The following SYCP2L variants were observed in gnomAD, a reference collection of about 807,000 sequenced individuals.
The protein encoded by SYCP2L is synaptonemal complex protein 2-like.
Under a neutral mutation model 125.8 loss-of-function variants are expected in SYCP2L, and 98 were observed. The ratio of observed to expected loss-of-function variants is 0.78; its 90% CI spans 0.66 to 0.92. The LOEUF is 0.92. SYCP2L is among the 40% of genes least tolerant of loss of function. SYCP2L has a pLI of 0.00. For missense variants in SYCP2L, 842 were observed against 936.4 expected (o/e 0.90, Z 1.32); for synonymous variants, 317 against 325.4 (o/e 0.97, Z 0.28).
chr6:10,938,877 T>G (rs2113372423), intron 21 of SYCP2L, among the ~76,000 whole-genome samples: 1 of 152,186 alleles, frequency 6.6e-6, no homozygotes, highest in East Asian at 1.9e-4. Flanking sequence ...TCCCAGCACT[T>G]TGGGACGCCA....
intron 2 of SYCP2L, among the ~76,000 whole-genome samples, chr6:10,893,567 C>A (rs1291178885): frequency 6.6e-6 from 1 of 152,118 alleles, no homozygotes; most frequent in Non-Finnish European, 1.5e-5. Context: ...TCCCAGACTT[C>A]AGCATGCACG....
Position 10,955,118 on chromosome 6 carries a change from A to C in SYCP2L, c.1957A>C (p.Ile653Leu). ...HKLRNLEDKD[I>L]PEGSFAKSQQ... ...AAATGTGCTCTGTTTGCCTGTAGAC[A>C]TACCAGAAGGTAGTTTTGCTAAGTC... The change falls in exon 24 of 30, where the codon ATA becomes CTA. Residue 653 changes from isoleucine (I) to leucine (L), a missense_variant and splice_region_variant. Ile to Leu is a conservative substitution (Grantham distance 5, BLOSUM62 2). Transcript: ENST00000283141. The C allele has an allele frequency of 1.2e-6, 2 of 1,609,410 alleles. No homozygotes were observed. The highest frequency in any genetic ancestry group is 1.3e-5 in the African/African-American group (1 of 74,968).
rs935353221 is a variant in SYCP2L, at chr6:10,919,615, G to A, written c.1073-4881G>A. On this transcript the variant is annotated intron_variant, in intron 14 of 29. Transcript: ENST00000283141. ...TATGGTAGTGTAGGGAGGAACAGGC[G>A]GTGGGTGGGGCCCTAGAACTCCCAA... 1.1e-4 allele frequency among the ~76,000 whole-genome samples: 17 copies of A among 152,014 alleles called. 1 individual carries two copies. Among genetic ancestry groups the A allele is most frequent in the Admixed American group, 9.8e-4 (15 of 15,244 alleles).
intron 16 of SYCP2L, among the ~76,000 whole-genome samples, chr6:10,926,761 A>G (rs1177830074): frequency 6.7e-6 from 1 of 149,568 alleles, no homozygotes. Flanking sequence ...TGTTTTCCCA[A>G]GTGCCCATAG....
intron 21 of SYCP2L, among the ~76,000 whole-genome samples, chr6:10,941,725 C>T (rs188638794): frequency 6.2e-4 from 94 of 152,308 alleles, no homozygotes; most frequent in African/African-American, 2.0e-3. Flanking sequence ...ACTAGTTCAA[C>T]CATTGTGGAA....
intron 29 of SYCP2L, among the ~76,000 whole-genome samples, chr6:10,967,267 G>A (rs1056761779): frequency 6.6e-6 from 1 of 151,728 alleles, no homozygotes; most frequent in Non-Finnish European, 1.5e-5. Context: ...ATGATTCCAA[G>A]GAAAAAGGGA....
rs1464374930 is a variant in SYCP2L at position 10,963,768 on chromosome 6, C to A, written c.2415-14C>A. 1 of 1,613,312 alleles carries A rather than the reference C, an allele frequency of 6.2e-7. No individual in the cohort carries two copies. Among genetic ancestry groups the A allele is most frequent in the Admixed American group, 1.7e-5 (1 of 59,994 alleles). ...TAATGTGAATATAATAAGAGATGGA[C>A]CAATTTCTTCCAGGTTCAATTCAAC... On this transcript the variant is annotated splice_polypyrimidine_tract_variant and intron_variant, in intron 28 of 29. Transcript: ENST00000283141.
At chr6:10,948,276 C>T (rs74477784) in intron 23 of SYCP2L, among the ~76,000 whole-genome samples, 4,890 of 152,180 alleles carry the variant, frequency 0.032, 267 homozygotes, top group African/African-American at 0.11. Flanking sequence ...CCATTCATAT[C>T]TCAGGTCTCT....
chr6:10,950,194 T>C (rs192494135), intron 23 of SYCP2L, among the ~76,000 whole-genome samples: 3 of 141,556 alleles, frequency 2.1e-5, no homozygotes, highest in Non-Finnish European at 3.3e-5. Context: ...TGCTAACTTA[T>C]TGCAACATGG....
intron 17 of SYCP2L, among the ~76,000 whole-genome samples, chr6:10,927,682 C>T (rs575129348): frequency 1.7e-3 from 256 of 152,260 alleles, no homozygotes; most frequent in African/African-American, 5.8e-3. Flanking sequence ...AATGAAGTTT[C>T]GGGCACCATT....
At chr6:10,964,351 C>G (rs535704496) in intron 29 of SYCP2L, among the ~76,000 whole-genome samples, 1 of 152,068 alleles carries the variant, frequency 6.6e-6, no homozygotes, top group African/African-American at 2.4e-5. Context: ...GAATGCTTAC[C>G]CTGCATCAAT....
At chr6:10,905,063 C>G (rs1254994607) in intron 8 of SYCP2L, among the ~76,000 whole-genome samples, 5 of 143,238 alleles carry the variant, frequency 3.5e-5, no homozygotes, top group South Asian at 2.3e-4. Context: ...TTGCTTGACC[C>G]TGGGAGGCAG....
At chr6:10,925,266 G>T (rs1419389851) in intron 15 of SYCP2L, among the ~76,000 whole-genome samples, 2 of 152,150 alleles carry the variant, frequency 1.3e-5, no homozygotes, top group African/African-American at 4.8e-5. Context: ...TACCTCCCAT[G>T]GGGTCTCTCC....
rs61741402 is a variant in SYCP2L, at chr6:10,930,498, C to T, written c.1617C>T (p.Thr539=). 8,753 of 1,611,096 alleles carry T rather than the reference C, an allele frequency of 5.4e-3. 355 individuals carry two copies. In the African/African-American group the frequency reaches 0.099, roughly 18 times the overall value. ...ATTCCAGTAGAAAGAAGACAAGAAC[C>T]AGAAGTAATTTGAGAAGTAAGTCTG... ...KSYSSRKKTR[T]RSNLRILPVF... The change falls in exon 19 of 30, where the codon ACC becomes ACT. Residue 539 remains threonine (T), a synonymous_variant. Transcript: ENST00000283141.
intron 20 of SYCP2L, among the ~76,000 whole-genome samples, 154 bp from the exon 21 acceptor site, chr6:10,934,904 A>C (rs1781065121): frequency 6.6e-6 from 1 of 152,322 alleles, no homozygotes; most frequent in Non-Finnish European, 1.5e-5. Flanking sequence ...AACTAAAAAC[A>C]CACAGAAATT....
At position 10,898,002 on chromosome 6, in the gene SYCP2L, C is replaced by T. The variant is rs898040661; in HGVS notation, c.337-9C>T. On this transcript the variant is annotated splice_polypyrimidine_tract_variant and intron_variant, in intron 4 of 29. Coordinates refer to ENST00000283141, the MANE Select transcript of SYCP2L (RefSeq NM_001040274.3). ...TCTTATGTAGTTACGTTAGTGTCCT[C>T]CTGTGTACCTAGTTTCCTGGTTTGA... 1.2e-6 allele frequency: 2 copies of T among 1,602,334 alleles called. No individual in the cohort carries two copies. Among genetic ancestry groups the T allele is most frequent in the Non-Finnish European group, 1.7e-6 (2 of 1,169,328 alleles).
intron 2 of SYCP2L, among the ~76,000 whole-genome samples, chr6:10,892,957 A>AATCTT (rs3066118): frequency 0.99 from 150,201 of 151,884 alleles, 74,294 homozygotes; most frequent in Middle Eastern, 1. Flanking sequence ...AAAGATAAAA[A>AATCTT]ATCTTTTATA....
chr6:10,902,936 C>T lies in SYCP2L; in HGVS notation c.614C>T (p.Pro205Leu). ...CCTCGAGAAGAGAGAAAAAAATTCC[C>T]TTTGTCAGAAGGCATGTGTCATCTT... is the stretch of plus-strand genomic sequence containing the variant. Reference protein sequence around the residue: ...AVPREERKKFPLSEGMCHLMK... With the variant: ...AVPREERKKFLLSEGMCHLMK... The change falls in exon 8 of 30, where the codon CCT becomes CTT. Residue 205 changes from proline (P) to leucine (L), a missense_variant. By Grantham distance (98) the Pro-to-Leu change is moderately conservative. Transcript: ENST00000283141. The T allele has an allele frequency of 6.2e-7, 1 of 1,614,116 alleles. No individual in the cohort carries two copies. The highest frequency in any genetic ancestry group is 2.2e-5 in the East Asian group (1 of 44,872).
chr6:10,933,203 G>T (rs972765105), intron 20 of SYCP2L, among the ~76,000 whole-genome samples: 1 of 152,164 alleles, frequency 6.6e-6, no homozygotes, highest in African/African-American at 2.4e-5. Flanking sequence ...CAGAGGTCAG[G>T]TCAGCACATT....
Sources: gnomAD v4.1 joint callset for allele counts (sites outside exome capture counted in the v4.1 genomes callset) on GRCh38, gnomAD v4.1.1 for gene constraint, MANE v1.5 for transcripts, NCBI Gene and HGNC (gene_info 2026-07-23, HGNC 2026-07-21) for gene names.